PRPF40B: variants seen among roughly 807,000 people sequenced by gnomAD.
PRPF40B encodes pre-mRNA processing factor 40B.
Under a neutral mutation model 124.5 loss-of-function variants are expected in PRPF40B, and 56 were observed. The observed-to-expected ratio is 0.45, with a 90% CI of 0.36 to 0.56. The LOEUF (loss-of-function observed/expected upper bound fraction) is 0.56. Ranked by LOEUF, PRPF40B falls within the 20% of genes least tolerant of loss-of-function variation. The probability of loss-of-function intolerance (pLI) is 0.00; values close to 1 mark genes in which losing one functional copy is unlikely to be tolerated. For missense variants in PRPF40B, 1,053 were observed against 1,169.5 expected, an observed-to-expected ratio of 0.90 and a Z score of 1.45; for synonymous variants, 443 against 426.4, an observed-to-expected ratio of 1.04 and a Z score of -0.48.
Position 49,631,543 on chromosome 12 carries a change from A to G in PRPF40B, c.227A>G (p.Gln76Arg). Residue 76 changes from glutamine to arginine, a missense_variant and splice_region_variant, in exon 3 of 26, where the codon CAG becomes CGG. Coordinates refer to ENST00000548825, the MANE Select transcript of PRPF40B (RefSeq NM_001031698.3). The surrounding 1 kb of genome is among the most constrained non-coding windows in gnomAD (Gnocchi z 4.3). ...ATGGGGGCGCCACCACCACTCACAC[A>G]GGTAATTGTCTCTCCTCCCCTGGGG... Reference protein sequence around the residue: ...PPMGAPPPLTQIPGMVPPMMP... With the variant: ...PPMGAPPPLTRIPGMVPPMMP... 1 of 1,550,276 alleles carries G rather than the reference A, an allele frequency of 6.5e-7. No homozygotes were observed. Among genetic ancestry groups the G allele is most frequent in the Non-Finnish European group, 8.7e-7 (1 of 1,155,364 alleles).
rs1211600323 is a variant in PRPF40B at position 49,633,648 on chromosome 12, CAA to C, written c.593_594del (p.Gln198ArgfsTer24). The C allele has an allele frequency of 6.2e-7, 1 of 1,614,094 alleles. No individual in the cohort carries two copies. The highest frequency in any genetic ancestry group is 1.3e-5 in the African/African-American group (1 of 74,930). ...TTTTCCCATCACAGTTCTAGTCAAA[CAA>C]GAGGCTGCAGGGTGAGTGACTTGCC... ...DLDDLEVLVK[Q>X]EAAGKQQQQL... is the part of the protein sequence containing the mutation. On this transcript the variant is annotated frameshift_variant, in exon 9 of 26. Transcript: ENST00000548825. LOFTEE classifies it high-confidence loss of function.
Position 49,631,300 on chromosome 12 carries a change from G to GGTTGGGGA in PRPF40B, c.85-99_85-92dup. On this transcript the variant is annotated intron_variant, in intron 2 of 25. Coordinates refer to ENST00000548825, the MANE Select transcript of PRPF40B (RefSeq NM_001031698.3). This position sits in a 1 kb window ranked among gnomAD's most constrained non-coding sequence, Gnocchi z 4.3. ...GGAATTGCCTCAGAGCAGGGTGGAG[G>GGTTGGGGA]GTTGGGGAGGGAGGTGGTGGATATT... 2.4e-6 allele frequency: 2 copies of GGTTGGGGA among 842,978 alleles called. No homozygotes were observed. The highest frequency in any genetic ancestry group is 3.6e-6 in the Non-Finnish European group (2 of 554,194). 52.2% of individuals were successfully genotyped at this position (842,978 alleles called of 1,614,324 possible).
At chr12:49,637,353 C>A in intron 16 of PRPF40B, 117 bp from the exon 17 acceptor site, 1 of 678,998 alleles carries the variant, frequency 1.5e-6, no homozygotes, top group Non-Finnish European at 2.6e-6. Context: ...CTCTTGCCTG[C>A]ATTTCCTCAA....
chr12:49,641,510 A>G (rs1375403657), intron 18 of PRPF40B: 1 of 208,044 alleles, frequency 4.8e-6, no homozygotes, highest in African/African-American at 2.3e-5. Context: ...CCTGGTACAT[A>G]GTAAGCACTC....
rs143060842 is a variant in PRPF40B at position 49,632,604 on chromosome 12, G to A, written c.303G>A (p.Pro101=). The A allele has an allele frequency of 3.2e-5, 51 of 1,613,722 alleles. No individual in the cohort carries two copies. The highest frequency in any genetic ancestry group is 4.2e-5 in the Non-Finnish European group (50 of 1,179,914). Residue 101 remains proline (P), a synonymous_variant, in exon 5 of 26, where the codon CCG becomes CCA. Transcript: ENST00000548825. ...TCCTCTTTCTTCGGCAGACGGCTCC[G>A]GGTGCGGACACCGCCAGCTGTGAGT... ...PAVPVTAATA[P]GADTASSAVA...
At position 49,642,302 on chromosome 12, in the gene PRPF40B, G is replaced by A; in HGVS notation, c.1952G>A (p.Arg651Lys). The A allele has an allele frequency of 6.2e-7, 1 of 1,614,186 alleles. No individual in the cohort carries two copies. Among genetic ancestry groups the A allele is most frequent in the South Asian group, 1.1e-5 (1 of 91,092 alleles). ...EKEEARRMRR[R>K]EAAFRSMLRQ... is the part of the protein sequence containing the mutation. Reference sequence around the variant, plus strand: ...GAGGAGGCACGCAGGATGCGGCGCAGGGAAGCTGCCTTTCGAAGCATGCTG... The same window carrying A: ...GAGGAGGCACGCAGGATGCGGCGCAAGGAAGCTGCCTTTCGAAGCATGCTG... The change falls in exon 20 of 26, where the codon AGG becomes AAG. Residue 651 changes from arginine to lysine, a missense_variant. By Grantham distance (26) the Arg-to-Lys change is conservative. This residue lies in a region of PRPF40B where 895 missense variants were observed against 1,052.2 expected (regional missense o/e 0.85). Transcript: ENST00000548825. This position sits in a 1 kb window ranked among gnomAD's most constrained non-coding sequence, Gnocchi z 5.8.
chr12:49,630,407 G>C, intron 1 of PRPF40B, 138 bp from the exon 2 acceptor site: 6 of 693,068 alleles, frequency 8.7e-6, no homozygotes, highest in Non-Finnish European at 1.3e-5. Flanking sequence ...TAAGGGCTTG[G>C]GGTGGGCAGG....
Position 49,634,073 on chromosome 12 carries a change from C to T in PRPF40B, c.793C>T (p.Leu265=), listed in dbSNP as rs1182349416. 2.5e-6 allele frequency: 4 copies of T among 1,612,904 alleles called. No homozygotes were observed. Among genetic ancestry groups the T allele is most frequent in the Non-Finnish European group, 2.5e-6 (3 of 1,179,842 alleles). ...QPLEQGFLQQ[L]EEGPSSSGQH... is the part of the protein sequence containing the mutation. Reference sequence around the variant, plus strand: ...CCTGGAACAGGGGTTCCTGCAGCAGCTGGAGGAGGGCCCCAGCAGGTGAGG... The same window carrying T: ...CCTGGAACAGGGGTTCCTGCAGCAGTTGGAGGAGGGCCCCAGCAGGTGAGG... The change falls in exon 10 of 26, where the codon CTG becomes TTG. Residue 265 remains leucine (L), a synonymous_variant. Transcript: ENST00000548825.
rs981794067 is a variant in PRPF40B, at chr12:49,623,609, G to C, written c.3+16G>C. The C allele has an allele frequency of 3.2e-6, 4 of 1,233,082 alleles. No homozygotes were observed. The highest frequency in any genetic ancestry group is 4.0e-6 in the Non-Finnish European group (4 of 988,360). The allele number at this position is 1,233,082 out of a possible 1,614,324, so 76.4% of individuals were successfully genotyped here. On this transcript the variant is annotated intron_variant, in intron 1 of 25. Transcript: ENST00000548825. ...CTCTGGCATGGTAACATCCCCGCGC[G>C]GGGGTGGAGGGGCTCGGGGCGGTCC...
intron 18 of PRPF40B, chr12:49,638,963 T>C (rs1212847398): frequency 6.6e-6 from 1 of 152,246 alleles, no homozygotes; most frequent in Non-Finnish European, 1.5e-5. Context: ...TAACACCATA[T>C]TACCTATTTA....
At position 49,643,723 on chromosome 12, in the gene PRPF40B, A is replaced by G. The variant is rs1464153291; in HGVS notation, c.2413A>G (p.Lys805Glu). ...CCTTCGGAAAGCCAAGAAACCAAAA[A>G]AGAAAACTAAGAAGAGAAGACACAA... ...HGLRKAKKPK[K>E]KTKKRRHKSN... Residue 805 changes from lysine (K) to glutamate (E), a missense_variant, in exon 24 of 26, where the codon AAG (lysine) becomes GAG (glutamate). This residue lies in a region of PRPF40B where 895 missense variants were observed against 1,052.2 expected (regional missense o/e 0.85). Coordinates refer to ENST00000548825, the MANE Select transcript of PRPF40B (RefSeq NM_001031698.3). 4 of 1,614,036 alleles carry G rather than the reference A, an allele frequency of 2.5e-6. No individual in the cohort carries two copies. The highest frequency in any genetic ancestry group is 1.3e-5 in the African/African-American group (1 of 74,918).
rs748742942 is a variant in PRPF40B, at chr12:49,634,090, C to G, written c.810C>G (p.Ser270Arg). The G allele has an allele frequency of 6.2e-7, 1 of 1,611,708 alleles. No individual in the cohort carries two copies. The change falls in exon 10 of 26, where the codon AGC becomes AGG. Residue 270 changes from serine to arginine, a missense_variant and splice_region_variant. Physicochemically the swap from Ser to Arg is moderately radical, Grantham distance 110 (BLOSUM62 -1). This residue lies in a region of PRPF40B where 895 missense variants were observed against 1,052.2 expected (regional missense o/e 0.85). Transcript: ENST00000548825. ...GFLQQLEEGP[S>R]SSGQHQPQQE... ...TGCAGCAGCTGGAGGAGGGCCCCAG[C>G]AGGTGAGGGCTGCCCCCCATGGCAT... is the stretch of plus-strand genomic sequence containing the variant.
chr12:49,624,944 T>C (rs1244146221), intron 1 of PRPF40B, among the ~76,000 whole-genome samples: 3 of 151,312 alleles, frequency 2.0e-5, no homozygotes, highest in Non-Finnish European at 4.4e-5. Context: ...AGTTGGAAAC[T>C]AGGATGGTCT....
At chr12:49,632,805 G>A (rs1941353728) in intron 5 of PRPF40B, 50 bp from the exon 6 acceptor site, 1 of 1,613,604 alleles carries the variant, frequency 6.2e-7, no homozygotes, top group African/African-American at 1.3e-5. Flanking sequence ...GTGGGAATAA[G>A]ATGGAGGTCG....
chr12:49,643,054 G>A, intron 22 of PRPF40B, 38 bp downstream of exon 22: 2 of 1,606,554 alleles, frequency 1.2e-6, no homozygotes, highest in Non-Finnish European at 1.7e-6. Context: ...GGTGAAGCTG[G>A]GTTGTTTTGG....
intron 1 of PRPF40B, among the ~76,000 whole-genome samples, chr12:49,624,456 C>CT (rs1174754691): frequency 1.3e-5 from 2 of 152,096 alleles, no homozygotes; most frequent in African/African-American, 2.4e-5. Flanking sequence ...TGGAAGAACT[C>CT]TAAGGAGAGG....
chr12:49,644,289 G>C lies in PRPF40B; in HGVS notation c.*97G>C. ...AGACTTCTTCCTTAGTCTGGTCTGT[G>C]TCCACTTTTTCTAAAGTAACCCCAC... On this transcript the variant is annotated 3_prime_UTR_variant, in exon 26 of 26. Coordinates refer to ENST00000548825, the MANE Select transcript of PRPF40B (RefSeq NM_001031698.3). 1 of 1,405,772 alleles carries C rather than the reference G, an allele frequency of 7.1e-7. No homozygotes were observed. The highest frequency in any genetic ancestry group is 1.2e-5 in the South Asian group (1 of 83,038). 87.1% of individuals were successfully genotyped at this position (1,405,772 alleles called of 1,614,324 possible).
Position 49,631,994 on chromosome 12 carries a change from G to A in PRPF40B, c.294+69G>A, listed in dbSNP as rs1413710134. 3 of 1,437,896 alleles carry A rather than the reference G, an allele frequency of 2.1e-6. No homozygotes were observed. The highest frequency in any genetic ancestry group is 1.4e-5 in the African/African-American group (1 of 71,356). The allele number at this position is 1,437,896 out of a possible 1,614,324, so 89.1% of individuals were successfully genotyped here. A position where few individuals can be genotyped will look rare whatever the true frequency, so the allele number is the denominator to read the frequency against. The stretch of plus-strand genomic sequence containing the variant: ...CCCGTGAGTCTGACTTGGAATGCAG[G>A]ACTATGACCTCCATTCTTTCCCTCT... On this transcript the variant is annotated intron_variant, in intron 4 of 25. Transcript: ENST00000548825. This position sits in a 1 kb window ranked among gnomAD's most constrained non-coding sequence, Gnocchi z 4.3.
chr12:49,633,520 C>T lies in PRPF40B; in HGVS notation c.553C>T (p.Arg185Trp), dbSNP rs762445793. 10 of 1,614,070 alleles carry T rather than the reference C, an allele frequency of 6.2e-6. No homozygotes were observed. Among genetic ancestry groups the T allele is most frequent in the African/African-American group, 2.7e-5 (2 of 74,914 alleles). Residue 185 changes from arginine (R) to tryptophan (W), a missense_variant, in exon 8 of 26, where the codon CGG (arginine) becomes TGG (tryptophan). Physicochemically the swap from Arg to Trp is moderately radical, Grantham distance 101. Coordinates refer to ENST00000548825, the MANE Select transcript of PRPF40B (RefSeq NM_001031698.3). ...NNQSKESRWTRPKDLDDLEVL... is the reference protein window; with the variant it reads ...NNQSKESRWTWPKDLDDLEVL... ...CCAGAGTAAAGAGTCCCGCTGGACC[C>T]GGCCCAAGGATCTGGATGACCTAGA... is the stretch of plus-strand genomic sequence containing the variant.
Sources: allele counts gnomAD v4.1 joint callset (sites outside exome capture counted in the v4.1 genomes callset), GRCh38; gene constraint gnomAD v4.1.1; regional missense constraint gnomAD v4.1.1; non-coding constraint Gnocchi (gnomAD v3.1); transcripts MANE v1.5; gene names NCBI Gene and HGNC (gene_info 2026-07-23, HGNC 2026-07-21).